MGAT4A: variants seen among roughly 807,000 people sequenced by gnomAD.
MGAT4A encodes the protein alpha-1,3-mannosyl-glycoprotein 4-beta-N-acetylglucosaminyltransferase A.
Under a neutral mutation model 74.1 loss-of-function variants are expected in MGAT4A, and 33 were observed. The observed-to-expected ratio is 0.45, with a 90% confidence interval of 0.34 to 0.60. The LOEUF (loss-of-function observed/expected upper bound fraction) is 0.60. Among genes scored for constraint, MGAT4A ranks in the 20% least tolerant of loss-of-function variants. The pLI, the probability that MGAT4A is intolerant of heterozygous loss-of-function variation, is 0.02. For synonymous variants in MGAT4A, 198 were observed against 210.4 expected (o/e 0.94, Z 0.51); for missense variants, 479 against 628.3 (o/e 0.76, Z 2.54).
At chr2:98,657,570 G>A (rs916158214) in intron 6 of MGAT4A, among the ~76,000 whole-genome samples, 1 of 152,114 alleles carries the variant, frequency 6.6e-6, no homozygotes, top group Non-Finnish European at 1.5e-5. Context: ...TTTAAATGTA[G>A]GGTTAGCAAA....
At chr2:98,721,491 AT>A (rs1436804918) in intron 2 of MGAT4A, among the ~76,000 whole-genome samples, 1 of 152,304 alleles carries the variant, frequency 6.6e-6, no homozygotes, top group Admixed American at 6.5e-5. Flanking sequence ...CAGTAATATA[AT>A]TGCCAGTAAT....
chr2:98,711,016 G>A (rs533247492), intron 2 of MGAT4A, among the ~76,000 whole-genome samples: 21 of 151,974 alleles, frequency 1.4e-4, no homozygotes, highest in Admixed American at 4.6e-4. Context: ...GTGATCTGTC[G>A]TAAAATAACC....
At chr2:98,716,286 T>C (rs1702590596) in intron 2 of MGAT4A, among the ~76,000 whole-genome samples, 1 of 152,158 alleles carries the variant, frequency 6.6e-6, no homozygotes, top group African/African-American at 2.4e-5. Context: ...ATCACACTAC[T>C]TCGCTCCAGC....
intron 9 of MGAT4A, 115 bp from the exon 10 acceptor site, chr2:98,644,168 T>C: frequency 9.2e-7 from 1 of 1,084,038 alleles, no homozygotes; most frequent in East Asian, 2.7e-5. Flanking sequence ...CAACTATAAA[T>C]CATCATAAAC....
intron 12 of MGAT4A, among the ~76,000 whole-genome samples, chr2:98,638,034 C>T (rs940699979): frequency 6.6e-6 from 1 of 152,156 alleles, no homozygotes; most frequent in Non-Finnish European, 1.5e-5. Flanking sequence ...GTGATGGGTA[C>T]ACAGGATGTC....
At chr2:98,677,950 GC>G (rs1340695681) in intron 3 of MGAT4A, among the ~76,000 whole-genome samples, 1 of 151,174 alleles carries the variant, frequency 6.6e-6, no homozygotes, top group Non-Finnish European at 1.5e-5. Flanking sequence ...ATCTTTTTCA[GC>G]CGGGTGCAGT....
chr2:98,663,669 A>G (rs1407379793), intron 4 of MGAT4A, among the ~76,000 whole-genome samples: 2 of 152,198 alleles, frequency 1.3e-5, no homozygotes, highest in Non-Finnish European at 2.9e-5. Context: ...AGTACTCTTT[A>G]AAGTGTCAAG....
At position 98,731,117 on chromosome 2, in the gene MGAT4A, CG is replaced by C. The variant is rs1348594652; in HGVS notation, c.-306del. The C allele has an allele frequency of 5.7e-3, 788 of 138,636 alleles. 7 individuals carry two copies. The highest frequency in any genetic ancestry group is 0.019 in the African/African-American group (724 of 37,530). 8.6% of individuals were successfully genotyped at this position (138,636 alleles called of 1,614,324 possible). A position where few individuals can be genotyped will look rare whatever the true frequency, so the allele number is the denominator to read the frequency against. ...CTGTAGCCGCCGCCGCCGCTGCCGC[CG>C]CCGCTGCGGGCCGCCCCGCCCGCCC... is the stretch of plus-strand genomic sequence containing the variant. On this transcript the variant is annotated 5_prime_UTR_variant, in exon 1 of 16. Coordinates refer to ENST00000393487, the MANE Select transcript of MGAT4A (RefSeq NM_012214.3). This position sits in a 1 kb window ranked among gnomAD's most constrained non-coding sequence, Gnocchi z 4.8.
At chr2:98,633,348 G>A (rs972494907) in intron 14 of MGAT4A, among the ~76,000 whole-genome samples, 12 of 152,146 alleles carry the variant, frequency 7.9e-5, no homozygotes, top group African/African-American at 2.7e-4. Flanking sequence ...CTGTCTCCCC[G>A]AGCTGGGGGT....
chr2:98,661,784 T>A (rs558225918), intron 5 of MGAT4A, among the ~76,000 whole-genome samples: 1 of 152,186 alleles, frequency 6.6e-6, no homozygotes, highest in Non-Finnish European at 1.5e-5. Context: ...ATGAACAGTC[T>A]CCCAGTCCAA....
At chr2:98,702,443 G>C (rs1224277925) in intron 2 of MGAT4A, among the ~76,000 whole-genome samples, 2 of 152,188 alleles carry the variant, frequency 1.3e-5, no homozygotes, top group Admixed American at 1.3e-4. Context: ...GATGGCTGTA[G>C]GGGGCTTATA....
chr2:98,690,749 G>A (rs1046377205), intron 2 of MGAT4A, among the ~76,000 whole-genome samples: 69 of 151,654 alleles, frequency 4.5e-4, no homozygotes, highest in Non-Finnish European at 2.7e-4. Flanking sequence ...TGCTTCAATG[G>A]GTACATTAAA....
intron 2 of MGAT4A, among the ~76,000 whole-genome samples, chr2:98,681,662 G>T (rs983868076): frequency 6.6e-6 from 1 of 152,066 alleles, no homozygotes; most frequent in Non-Finnish European, 1.5e-5. Flanking sequence ...AAATAAAATA[G>T]AACTCTTTGG....
intron 5 of MGAT4A, among the ~76,000 whole-genome samples, chr2:98,659,472 A>G (rs1209765120): frequency 6.6e-6 from 1 of 152,122 alleles, no homozygotes; most frequent in Non-Finnish European, 1.5e-5. Context: ...CACATTTTTG[A>G]GCCAGCCAGA....
intron 2 of MGAT4A, among the ~76,000 whole-genome samples, chr2:98,680,308 T>C (rs1478468462): frequency 1.3e-5 from 2 of 152,204 alleles, no homozygotes; most frequent in African/African-American, 4.8e-5. Flanking sequence ...CATCTGAAAG[T>C]ACTGGAATTA....
intron 10 of MGAT4A, among the ~76,000 whole-genome samples, chr2:98,643,489 T>C (rs1305416383): frequency 6.6e-6 from 1 of 152,266 alleles, no homozygotes; most frequent in Non-Finnish European, 1.5e-5. Context: ...TAACGTCTCA[T>C]TGTTTTGGTA....
At chr2:98,683,677 G>A (rs1702093439) in intron 2 of MGAT4A, among the ~76,000 whole-genome samples, 1 of 152,076 alleles carries the variant, frequency 6.6e-6, no homozygotes, top group Non-Finnish European at 1.5e-5. Flanking sequence ...ATCTCCACAT[G>A]CATTTTCTTG....
intron 5 of MGAT4A, 57 bp from the exon 6 acceptor site, chr2:98,658,321 TA>T: frequency 1.1e-6 from 1 of 952,014 alleles, no homozygotes; most frequent in Non-Finnish European, 1.6e-6. Context: ...ATTTAACTGT[TA>T]ATACTGAACT....
At chr2:98,670,283 A>G (rs1175022007) in intron 4 of MGAT4A, among the ~76,000 whole-genome samples, 1 of 152,180 alleles carries the variant, frequency 6.6e-6, no homozygotes, top group African/African-American at 2.4e-5. Flanking sequence ...TCTGAGTGCA[A>G]GAGTTCCACT....
Sources: allele counts gnomAD v4.1 joint callset (sites outside exome capture counted in the v4.1 genomes callset), GRCh38; gene constraint gnomAD v4.1.1; non-coding constraint Gnocchi (gnomAD v3.1); transcripts MANE v1.5; gene names NCBI Gene and HGNC (gene_info 2026-07-23, HGNC 2026-07-21).